The following MYO1F variants were observed in gnomAD, a reference collection of about 807,000 sequenced individuals.
MYO1F encodes the protein unconventional myosin-If.
MYO1F carries 60 observed loss-of-function variants against 146.6 expected under a neutral mutation model. The ratio of observed to expected loss-of-function variants is 0.41; its 90% CI spans 0.33 to 0.51. MYO1F has a LOEUF of 0.51. MYO1F is among the 20% of genes least tolerant of loss of function. The probability of loss-of-function intolerance (pLI) is 0.25; values close to 1 mark genes in which losing one functional copy is unlikely to be tolerated. For missense variants in MYO1F, 1,274 were observed against 1,534.3 expected (o/e 0.83, Z 2.83); for synonymous variants, 602 against 602.1 (o/e 1.00, Z 0.00).
At chr19:8,561,041 C>G (rs1974078568) in intron 1 of MYO1F, among the ~76,000 whole-genome samples, 1 of 151,594 alleles carries the variant, frequency 6.6e-6, no homozygotes, top group Admixed American at 6.6e-5. Context: ...CTGGCCACGC[C>G]TGGCTAATTT....
chr19:8,560,843 A>G (rs891831834), intron 1 of MYO1F, among the ~76,000 whole-genome samples: 1 of 149,826 alleles, frequency 6.7e-6, no homozygotes, highest in African/African-American at 2.5e-5. Context: ...TGTTCACGCC[A>G]TTCTCCTGCC....
chr19:8,554,820 G>A (rs1309944653), intron 2 of MYO1F, 77 bp from the exon 3 acceptor site: 3 of 1,341,448 alleles, frequency 2.2e-6, no homozygotes, highest in African/African-American at 2.9e-5. Flanking sequence ...CCCCACCCAG[G>A]GCTTCCTAAA....
Position 8,552,051 on chromosome 19 carries a change from G to A in MYO1F, c.618C>T (p.Asn206=), listed in dbSNP as rs765584272. ...RVVMQNENER[N]FHIYYQLLEG... is the part of the protein sequence containing the mutation. ...CCTGCACCTGGTAGTAGATGTGGAA[G>A]TTCCTCTCATTTTCATTTTGCATGA... Residue 206 remains asparagine (N), a synonymous_variant, in exon 7 of 28, where the codon AAC becomes AAT. Transcript: ENST00000644032. 1.9e-6 allele frequency: 3 copies of A among 1,614,058 alleles called. No homozygotes were observed. The South Asian group carries it at 3.3e-5, about 18-fold the overall frequency.
In MYO1F at chr19:8,544,405, G is replaced by T; in HGVS notation, c.1416C>A (p.Gly472=). 1 of 1,612,876 alleles carries T rather than the reference G, an allele frequency of 6.2e-7. No homozygotes were observed. The highest frequency in any genetic ancestry group is 8.5e-7 in the Non-Finnish European group (1 of 1,179,848). ...DDVCATMHAT[G]GGADQTLLQK... is the part of the protein sequence containing the mutation. ...GCAGCAGTGTCTGGTCTGCTCCCCCGCCCGTGGCGTGCATGGTGGCGCACA... is the reference window on the plus strand; with the variant it reads ...GCAGCAGTGTCTGGTCTGCTCCCCCTCCCGTGGCGTGCATGGTGGCGCACA... The change falls in exon 14 of 28, where the codon GGC becomes GGA. Residue 472 remains glycine, a synonymous_variant. Transcript: ENST00000644032.
In MYO1F at chr19:8,553,354, A is replaced by G; in HGVS notation, c.410T>C (p.Val137Ala). ...ISKVSGGGEK[V>A]QHVKDIILQS... ...CTTCTGTTTTCCTCGTCTCACCTGG[A>G]CCTTCTCGCCTCCGCCAGACACCTT... Residue 137 changes from valine to alanine, a missense_variant, in exon 5 of 28, where the codon GTC becomes GCC. By Grantham distance (64) the Val-to-Ala change is moderately conservative (BLOSUM62 0). Coordinates refer to ENST00000644032, the MANE Select transcript of MYO1F (RefSeq NM_012335.4). The G allele has an allele frequency of 6.2e-7, 1 of 1,614,056 alleles. No homozygotes were observed. The highest frequency in any genetic ancestry group is 1.3e-5 in the African/African-American group (1 of 74,980).
chr19:8,547,068 C>T (rs1486253311), intron 12 of MYO1F, among the ~76,000 whole-genome samples: 1 of 151,822 alleles, frequency 6.6e-6, no homozygotes, highest in African/African-American at 2.4e-5. Flanking sequence ...CAGGCCAAGG[C>T]AGGAGGATTG....
At chr19:8,569,186 C>A (rs2042064587) in intron 1 of MYO1F, among the ~76,000 whole-genome samples, 1 of 152,112 alleles carries the variant, frequency 6.6e-6, no homozygotes, top group Admixed American at 6.6e-5. Flanking sequence ...TCTGTGGCCT[C>A]CAAGTCTCCA....
chr19:8,540,887 A>G (rs934848032), intron 15 of MYO1F, among the ~76,000 whole-genome samples: 1 of 152,146 alleles, frequency 6.6e-6, no homozygotes, highest in African/African-American at 2.4e-5. Context: ...CTTAAAGATC[A>G]GGTTAGGTTC....
intron 19 of MYO1F, among the ~76,000 whole-genome samples, chr19:8,535,436 TTCTTTTTG>T (rs1972663283): frequency 6.6e-6 from 1 of 151,982 alleles, no homozygotes; most frequent in African/African-American, 2.4e-5. Flanking sequence ...TTTTTCTTTT[TTCTTTTTG>T]TCTTTTGTAG....
intron 1 of MYO1F, among the ~76,000 whole-genome samples, chr19:8,574,656 CTTTCT>C (rs2042197324): frequency 8.5e-5 from 11 of 128,716 alleles, no homozygotes; most frequent in Admixed American, 4.4e-4. Context: ...CTTTCTTTCT[CTTTCT>C]TCTTTCTCTC....
chr19:8,546,431 CT>C (rs1369848765), intron 12 of MYO1F, among the ~76,000 whole-genome samples: 1 of 151,776 alleles, frequency 6.6e-6, no homozygotes, highest in Non-Finnish European at 1.5e-5. Context: ...GCGATCCTAG[CT>C]CACTGCAACC....
chr19:8,543,235 A>G (rs1973057867), intron 14 of MYO1F, among the ~76,000 whole-genome samples: 1 of 152,178 alleles, frequency 6.6e-6, no homozygotes, highest in Non-Finnish European at 1.5e-5. Flanking sequence ...ACTCCTAGGA[A>G]CTTCTGCTCT....
At position 8,560,521 on chromosome 19, in the gene MYO1F, C is replaced by G. The variant is rs146838764; in HGVS notation, c.4-4725G>C. On this transcript the variant is annotated intron_variant, in intron 1 of 27. Coordinates refer to ENST00000644032, the MANE Select transcript of MYO1F (RefSeq NM_012335.4). Reference sequence around the variant, plus strand: ...AAAAAAAAAAAGAACAGGTTCTTGCCTCTGTCTACACGCACAGGAGGCTGG... The same window carrying G: ...AAAAAAAAAAAGAACAGGTTCTTGCGTCTGTCTACACGCACAGGAGGCTGG... Among the ~76,000 whole-genome samples, 228 of 151,284 alleles carry G rather than the reference C, an allele frequency of 1.5e-3. 2 individuals carry two copies. The East Asian group carries it at 0.039, about 26-fold the overall frequency.
intron 25 of MYO1F, among the ~76,000 whole-genome samples, chr19:8,524,140 G>C (rs868142424): frequency 9.3e-4 from 67 of 71,876 alleles, no homozygotes; most frequent in African/African-American, 2.8e-3. Context: ...AAAAAAAAAG[G>C]CCGGGCGCGG....
intron 1 of MYO1F, among the ~76,000 whole-genome samples, chr19:8,566,191 G>A (rs1341084499): frequency 8.1e-6 from 1 of 123,812 alleles, no homozygotes; most frequent in Non-Finnish European, 1.6e-5. Flanking sequence ...TTTTTGAGAT[G>A]GAGTCTTGCT....
At position 8,550,638 on chromosome 19, in the gene MYO1F, G is replaced by A. The variant is rs200593021; in HGVS notation, c.828C>T (p.Leu276=). 3.1e-6 allele frequency: 5 copies of A among 1,614,020 alleles called. No individual in the cohort carries two copies. The highest frequency in any genetic ancestry group is 2.2e-5 in the East Asian group (1 of 44,892). ...TCCCCAGGTGCAAGATCCCCGCCAC[G>A]AGCTGCAGGACCAGCTGCTGGATGC... ...PPSIQQLVLQ[L]VAGILHLGNI... Residue 276 remains leucine (L), a synonymous_variant, in exon 9 of 28, where the codon CTC becomes CTT. Transcript: ENST00000644032.
chr19:8,567,778 G>C (rs2042032339), intron 1 of MYO1F, among the ~76,000 whole-genome samples: 1 of 152,270 alleles, frequency 6.6e-6, no homozygotes, highest in Non-Finnish European at 1.5e-5. Context: ...CCCCAGGCTG[G>C]TCTGTATCAG....
chr19:8,522,023 CT>C (rs34105946), intron 27 of MYO1F, among the ~76,000 whole-genome samples: 46,745 of 133,082 alleles, frequency 0.35, 8,038 homozygotes, highest in African/African-American at 0.51. Flanking sequence ...AGTCAGGGTT[CT>C]TTTTTTTTTT....
intron 21 of MYO1F, among the ~76,000 whole-genome samples, chr19:8,527,879 T>C (rs1005944565): frequency 6.6e-6 from 1 of 152,170 alleles, no homozygotes; most frequent in Non-Finnish European, 1.5e-5. Context: ...TCCCAAAGGG[T>C]TGGGATTACA....
Sources: gnomAD v4.1 joint callset for allele counts (sites outside exome capture counted in the v4.1 genomes callset) on GRCh38, gnomAD v4.1.1 for gene constraint, MANE v1.5 for transcripts, NCBI Gene and HGNC (gene_info 2026-07-23, HGNC 2026-07-21) for gene names.